FANCA: variants seen among roughly 807,000 people sequenced by gnomAD.
FANCA encodes the protein Fanconi anemia group A protein.
Under a neutral mutation model 194.3 loss-of-function variants are expected in FANCA, and 236 were observed. The observed-to-expected ratio is 1.21, with a 90% confidence interval of 1.09 to 1.35. The LOEUF is 1.35. Among genes scored for constraint, FANCA ranks in the 40% most tolerant of loss-of-function variants. The pLI is 0.00. For missense variants in FANCA, 2,628 were observed against 1,813.9 expected, an observed-to-expected ratio of 1.45 and a Z score of -8.15; for synonymous variants, 1,014 against 715.8, an observed-to-expected ratio of 1.42 and a Z score of -6.65.
chr16:89,810,868 T>C, intron 4 of FANCA, 61 bp downstream of exon 4: 1 of 1,613,868 alleles, frequency 6.2e-7, no homozygotes, highest in South Asian at 1.1e-5. Flanking sequence ...CTATGTCCTA[T>C]TTTCCCAACC....
chr16:89,798,842 A>C (rs2040339299), intron 10 of FANCA: 1 of 1,502,688 alleles, frequency 6.7e-7, no homozygotes, highest in African/African-American at 1.4e-5. Context: ...AATCACACCC[A>C]GGGAAGGAGG....
intron 30 of FANCA, 132 bp from the exon 31 acceptor site, chr16:89,752,354 A>G (rs1311809063): frequency 7.6e-6 from 6 of 793,004 alleles, no homozygotes; most frequent in African/African-American, 3.4e-5. Flanking sequence ...TTAGTCAACA[A>G]TAAACAACAA....
Position 89,814,520 on chromosome 16 carries a change from C to T in FANCA, c.283G>A (p.Gly95Ser), listed in dbSNP as rs757246205. Residue 95 changes from glycine to serine, a missense_variant and splice_region_variant, in exon 3 of 43, where the codon GGC becomes AGC. Gly to Ser is a moderately conservative substitution (Grantham distance 56). Coordinates refer to ENST00000389301, the MANE Select transcript of FANCA (RefSeq NM_000135.4). ...AYANHSSSFIGSALQDQASRL... is the reference protein window; with the variant it reads ...AYANHSSSFISSALQDQASRL... ...TAGAGAAAATGAAGCTATAACTTAC[C>T]TATAAATGAACTAGAATGATTAGCA... 6.2e-7 allele frequency: 1 copy of T among 1,603,034 alleles called. No homozygotes were observed. The highest frequency in any genetic ancestry group is 1.1e-5 in the South Asian group (1 of 90,850).
chr16:89,771,157 A>AAAAAAAAAAAAAC (rs2039312375), intron 23 of FANCA, among the ~76,000 whole-genome samples: 4 of 142,650 alleles, frequency 2.8e-5, no homozygotes, highest in African/African-American at 1.0e-4. Context: ...GACTCAGTCA[A>AAAAAAAAAAAAAC]AAAAAAAAAA....
In FANCA at chr16:89,737,598, C is replaced by A; in HGVS notation, c.*1003G>T. The A allele has an allele frequency of 1.1e-6, 1 of 892,172 alleles. No individual in the cohort carries two copies. Among genetic ancestry groups the A allele is most frequent in the Non-Finnish European group, 1.6e-6 (1 of 616,900 alleles). 55.3% of individuals were successfully genotyped at this position (892,172 alleles called of 1,614,324 possible). A position where few individuals can be genotyped will look rare whatever the true frequency, so the allele number is the denominator to read the frequency against. The stretch of plus-strand genomic sequence containing the variant: ...TCTTTAAAAACCATCCTGAAATGCA[C>A]ACAGCTGATGAAGCCACGTGACAGT... On this transcript the variant is annotated 3_prime_UTR_variant, in exon 43 of 43. Coordinates refer to ENST00000389301, the MANE Select transcript of FANCA (RefSeq NM_000135.4).
At chr16:89,767,634 C>T (rs950372956) in intron 26 of FANCA, among the ~76,000 whole-genome samples, 11 of 151,920 alleles carry the variant, frequency 7.2e-5, no homozygotes, top group Admixed American at 3.9e-4. Context: ...CTGCACCCTC[C>T]ACCTCCCAGG....
At chr16:89,747,656 T>A (rs2011925) in intron 33 of FANCA, among the ~76,000 whole-genome samples, 5 of 151,904 alleles carry the variant, frequency 3.3e-5, no homozygotes, top group African/African-American at 1.2e-4. Flanking sequence ...AGCCAAGATT[T>A]CACTGCTGCA....
intron 17 of FANCA, among the ~76,000 whole-genome samples, chr16:89,782,336 C>G (rs758496005): frequency 6.6e-6 from 1 of 151,062 alleles, no homozygotes. Context: ...ATGGCGAAAC[C>G]CTGACTCTAT....
intron 23 of FANCA, 42 bp from the exon 24 acceptor site, chr16:89,770,676 G>C (rs748386118): frequency 2.0e-6 from 3 of 1,532,414 alleles, no homozygotes; most frequent in Middle Eastern, 1.7e-4. Context: ...TCCTGGGGAC[G>C]GGAGCAGCAG....
chr16:89,800,161 C>A (rs2040395145), intron 8 of FANCA, among the ~76,000 whole-genome samples: 1 of 152,342 alleles, frequency 6.6e-6, no homozygotes, highest in African/African-American at 2.4e-5. Context: ...GAGCCTAGGG[C>A]TGGGCAGGAC....
intron 29 of FANCA, among the ~76,000 whole-genome samples, chr16:89,760,398 T>C (rs987030947): frequency 6.6e-6 from 1 of 152,198 alleles, no homozygotes; most frequent in African/African-American, 2.4e-5. Flanking sequence ...AGGATCCAGG[T>C]GCAGGCGACA....
chr16:89,783,437 G>A (rs2039789617), intron 15 of FANCA, among the ~76,000 whole-genome samples: 4 of 151,782 alleles, frequency 2.6e-5, no homozygotes, highest in African/African-American at 9.7e-5. Context: ...AGTAGTCCCA[G>A]CTACTCGGGA....
chr16:89,739,001 G>T (rs1196057280), intron 41 of FANCA, 27 bp from the exon 42 acceptor site: 2 of 1,614,126 alleles, frequency 1.2e-6, no homozygotes, highest in East Asian at 2.2e-5. Context: ...CAAACTCACA[G>T]GTTAGAAGAC....
At chr16:89,739,894 T>C (rs908183570) in intron 39 of FANCA, 100 bp downstream of exon 39, 5 of 1,571,710 alleles carry the variant, frequency 3.2e-6, no homozygotes, top group Admixed American at 1.8e-5. Context: ...ATAAACTTAC[T>C]TAGCAAGGAA....
At chr16:89,799,713 A>G (rs913075267) in intron 8 of FANCA, 75 bp from the exon 9 acceptor site, 12 of 1,245,424 alleles carry the variant, frequency 9.6e-6, no homozygotes, top group Non-Finnish European at 1.3e-5. Context: ...ACACAAGAGA[A>G]TTATTACTTG....
chr16:89,778,762 C>T (rs1212120695), intron 20 of FANCA, 39 bp downstream of exon 20: 2 of 1,588,456 alleles, frequency 1.3e-6, no homozygotes, highest in East Asian at 2.3e-5. Flanking sequence ...TCAGAAGAAA[C>T]CTGGAAGTAG....
intron 17 of FANCA, among the ~76,000 whole-genome samples, chr16:89,781,089 G>T (rs1011201301): frequency 3.3e-5 from 5 of 152,126 alleles, no homozygotes; most frequent in Non-Finnish European, 5.9e-5. Flanking sequence ...GGAGGGCCAG[G>T]CGCAGTGGCT....
chr16:89,789,849 C>T (rs1162607153), intron 14 of FANCA, among the ~76,000 whole-genome samples: 1 of 152,194 alleles, frequency 6.6e-6, no homozygotes, highest in Non-Finnish European at 1.5e-5. Context: ...ATACACCCAA[C>T]TCCCCACATG....
At chr16:89,739,723 A>G in intron 39 of FANCA, 170 bp from the exon 40 acceptor site, 8 of 1,504,312 alleles carry the variant, frequency 5.3e-6, no homozygotes, top group Non-Finnish European at 6.2e-6. Context: ...CAGCTGGGAG[A>G]GGATGGGGGG....
Sources: gnomAD v4.1 joint callset for allele counts (sites outside exome capture counted in the v4.1 genomes callset) on GRCh38, gnomAD v4.1.1 for gene constraint, MANE v1.5 for transcripts, NCBI Gene and HGNC (gene_info 2026-07-23, HGNC 2026-07-21) for gene names.